CNTN5: variants seen among roughly 807,000 people sequenced by gnomAD.
CNTN5 encodes the protein contactin-5.
In CNTN5, 77 loss-of-function variants were observed where a neutral mutation model predicts 129.1. That is an observed-to-expected ratio of 0.60 (90% CI 0.50 to 0.72). CNTN5 has a LOEUF of 0.72. CNTN5 is among the 30% of genes least tolerant of loss of function. The pLI is 0.00. For missense variants in CNTN5, 1,478 were observed against 1,328.8 expected (o/e 1.11, Z -1.75); for synonymous variants, 509 against 465.6 (o/e 1.09, Z -1.20).
intron 8 of CNTN5, among the ~76,000 whole-genome samples, chr11:99,961,111 A>G (rs1013823176): frequency 6.7e-6 from 1 of 149,550 alleles, no homozygotes; most frequent in Non-Finnish European, 1.5e-5. Flanking sequence ...AGGCTGAGAC[A>G]GGAGAATCTC....
At chr11:99,410,355 A>T (rs1237946311) in intron 2 of CNTN5, among the ~76,000 whole-genome samples, 1 of 152,194 alleles carries the variant, frequency 6.6e-6, no homozygotes, top group Non-Finnish European at 1.5e-5. Flanking sequence ...GAAAACAAGG[A>T]CAAGAATTAA....
intron 3 of CNTN5, among the ~76,000 whole-genome samples, chr11:99,643,126 G>C (rs2510974): frequency 0.6 from 91,205 of 151,740 alleles, 28,225 homozygotes; most frequent in Admixed American, 0.69. Flanking sequence ...TTTAAAAATG[G>C]ATTATCTCAT....
intron 9 of CNTN5, among the ~76,000 whole-genome samples, chr11:100,005,442 T>C (rs888980834): frequency 3.3e-5 from 5 of 152,172 alleles, no homozygotes; most frequent in African/African-American, 1.2e-4. Context: ...ACTCTCTTTT[T>C]TATTTTTGTG....
At position 99,446,235 on chromosome 11, in the gene CNTN5, G is replaced by A. The variant is rs375907998; in HGVS notation, c.-70-109910G>A. ...TCCTTTGTTGATTTCTCTTATTGCT[G>A]GATTTTAGCTGTGGACATTTTTGAA... is the stretch of plus-strand genomic sequence containing the variant. On this transcript the variant is annotated intron_variant, in intron 2 of 24. Transcript: ENST00000524871. Among the ~76,000 whole-genome samples, 44 of 152,076 alleles carry A rather than the reference G, an allele frequency of 2.9e-4. 1 individual carries two copies. Among genetic ancestry groups the A allele is most frequent in the African/African-American group, 1.1e-3 (44 of 41,488 alleles).
intron 3 of CNTN5, among the ~76,000 whole-genome samples, chr11:99,798,834 A>G (rs2135470814): frequency 6.6e-6 from 1 of 152,272 alleles, no homozygotes. Flanking sequence ...AATAGCATTG[A>G]ATTTGCAGCT....
intron 2 of CNTN5, among the ~76,000 whole-genome samples, chr11:99,506,582 A>G (rs1055287914): frequency 7.7e-5 from 10 of 129,950 alleles, no homozygotes; most frequent in Admixed American, 1.7e-4. Context: ...AAAAAAAATT[A>G]TAGTGTTTGT....
At chr11:99,171,366 C>T (rs375930413) in intron 1 of CNTN5, among the ~76,000 whole-genome samples, 8 of 152,302 alleles carry the variant, frequency 5.3e-5, no homozygotes, top group Admixed American at 2.0e-4. Context: ...AATTTTGCTT[C>T]GCAGATTGCT....
rs367642824 is a variant in CNTN5 at position 99,388,513 on chromosome 11, G to A, written c.-71+63029G>A. 4.0e-4 allele frequency among the ~76,000 whole-genome samples: 61 copies of A among 151,310 alleles called. 2 individuals carry two copies. Among genetic ancestry groups the A allele is most frequent in the Middle Eastern group, 3.5e-3 (1 of 288 alleles). ...CTTGAAAGCAGATATAGTGCCATGC[G>A]TATCTTTGGTTTCTAGAATGATATG... is the stretch of plus-strand genomic sequence containing the variant. On this transcript the variant is annotated intron_variant, in intron 2 of 24. Transcript: ENST00000524871.
intron 3 of CNTN5, among the ~76,000 whole-genome samples, chr11:99,762,116 GT>G (rs1364084059): frequency 1.1e-5 from 1 of 92,592 alleles, no homozygotes; most frequent in Non-Finnish European, 2.4e-5. Flanking sequence ...GGGGTTGTTT[GT>G]TTTTTTCTTG....
chr11:99,426,390 G>A (rs1219250458), intron 2 of CNTN5, among the ~76,000 whole-genome samples: 4 of 152,204 alleles, frequency 2.6e-5, no homozygotes, highest in African/African-American at 7.2e-5. Context: ...TTAGAAAGGA[G>A]ACTCACTTTC....
rs781740319 is a variant in CNTN5 at position 99,984,365 on chromosome 11, GAAAGGAAGA to G, written c.878-17664_878-17656del. Among the ~76,000 whole-genome samples, 3 of 151,728 alleles carry G rather than the reference GAAAGGAAGA, an allele frequency of 2.0e-5. No individual in the cohort carries two copies. The South Asian group carries it at 6.3e-4, about 32-fold the overall frequency. On this transcript the variant is annotated intron_variant, in intron 8 of 24. Transcript: ENST00000524871. Reference sequence around the variant, plus strand: ...GAAAATGAGAAAAGGAAAAGGAAAGGAAAGGAAGAAAAGAAAGAAAAGAAAAAAGAAAAG... The same window carrying G: ...GAAAATGAGAAAAGGAAAAGGAAAGGAAAGAAAGAAAAGAAAAAAGAAAAG...
chr11:99,637,648 G>A (rs671295), intron 3 of CNTN5, among the ~76,000 whole-genome samples: 91,368 of 151,838 alleles, frequency 0.6, 28,313 homozygotes, highest in Admixed American at 0.69. Context: ...AACTTCTCAC[G>A]TTTTTTGAGT....
chr11:99,675,104 T>A (rs1953217497), intron 3 of CNTN5, among the ~76,000 whole-genome samples: 1 of 152,186 alleles, frequency 6.6e-6, no homozygotes, highest in Non-Finnish European at 1.5e-5. Flanking sequence ...AATCACTCTA[T>A]TGTTCATCCT....
chr11:99,895,706 T>C (rs1310955221), intron 6 of CNTN5, among the ~76,000 whole-genome samples: 1 of 152,090 alleles, frequency 6.6e-6, no homozygotes, highest in Non-Finnish European at 1.5e-5. Flanking sequence ...CCATGGACTT[T>C]TGTAGTTCAG....
intron 3 of CNTN5, among the ~76,000 whole-genome samples, chr11:99,804,076 T>A (rs1449875026): frequency 6.6e-6 from 1 of 152,156 alleles, no homozygotes; most frequent in East Asian, 1.9e-4. Context: ...CAGAAAATAC[T>A]CAAGTACAAA....
At chr11:99,435,708 A>G (rs1428905033) in intron 2 of CNTN5, among the ~76,000 whole-genome samples, 4 of 152,196 alleles carry the variant, frequency 2.6e-5, no homozygotes, top group Non-Finnish European at 5.9e-5. Flanking sequence ...AGTACTTGAT[A>G]TTGGGACTAG....
At chr11:99,955,687 T>G (rs572658224) in intron 7 of CNTN5, among the ~76,000 whole-genome samples, 1 of 151,966 alleles carries the variant, frequency 6.6e-6, no homozygotes, top group Admixed American at 6.6e-5. Context: ...GCCTCCCAAG[T>G]AGCTAGGACT....
intron 1 of CNTN5, among the ~76,000 whole-genome samples, chr11:99,277,156 G>C (rs1863480469): frequency 6.6e-6 from 1 of 151,616 alleles, no homozygotes; most frequent in African/African-American, 2.4e-5. Context: ...TGAGGGAGTT[G>C]ATTTGAATTA....
At chr11:100,241,356 A>G (rs962578637) in intron 16 of CNTN5, among the ~76,000 whole-genome samples, 1 of 152,252 alleles carries the variant, frequency 6.6e-6, no homozygotes, top group African/African-American at 2.4e-5. Context: ...GTAAAACTAC[A>G]TTAAATATTT....
Sources: allele counts gnomAD v4.1 joint callset (sites outside exome capture counted in the v4.1 genomes callset), GRCh38; gene constraint gnomAD v4.1.1; transcripts MANE v1.5; gene names NCBI Gene and HGNC (gene_info 2026-07-23, HGNC 2026-07-21).